Variants in STXBP5L observed in about 807,000 individuals in gnomAD.
The protein encoded by STXBP5L is syntaxin binding protein 5L.
Under a neutral mutation model 144.5 loss-of-function variants are expected in STXBP5L, and 65 were observed. The observed-to-expected ratio is 0.45, with a 90% CI of 0.37 to 0.55. The LOEUF (loss-of-function observed/expected upper bound fraction) is 0.55, where lower values mean the gene tolerates loss of function less well. Among genes scored for constraint, STXBP5L ranks in the 20% least tolerant of loss-of-function variants. STXBP5L has a pLI of 0.00. For synonymous variants in STXBP5L, 505 were observed against 469.6 expected, an observed-to-expected ratio of 1.08 and a Z score of -0.97; for missense variants, 1,298 against 1,405.5, an observed-to-expected ratio of 0.92 and a Z score of 1.22.
At chr3:121,171,776 C>T (rs1248619880) in intron 9 of STXBP5L, among the ~76,000 whole-genome samples, 2 of 152,144 alleles carry the variant, frequency 1.3e-5, no homozygotes, top group Non-Finnish European at 2.9e-5. Flanking sequence ...GCCATACTGC[C>T]CAAAGTAATT....
At chr3:121,272,499 A>G (rs1465831437) in intron 18 of STXBP5L, among the ~76,000 whole-genome samples, 1 of 152,166 alleles carries the variant, frequency 6.6e-6, no homozygotes, top group Non-Finnish European at 1.5e-5. Flanking sequence ...CTTCACTTTC[A>G]GCCTATGTGT....
rs563465036 is a variant in STXBP5L at position 121,022,493 on chromosome 3, A to G, written c.288-19207A>G. Among the ~76,000 whole-genome samples, 4 of 152,300 alleles carry G rather than the reference A, an allele frequency of 2.6e-5. No individual in the cohort carries two copies. In the South Asian group the frequency reaches 8.3e-4, roughly 32 times the overall value. On this transcript the variant is annotated intron_variant, in intron 3 of 26. Transcript: ENST00000471454. ...ATAGACTAATATCCCTGATTAACATAGATGCAAAAATCCTCAACAAAATAC... is the reference window on the plus strand; with the variant it reads ...ATAGACTAATATCCCTGATTAACATGGATGCAAAAATCCTCAACAAAATAC...
intron 7 of STXBP5L, among the ~76,000 whole-genome samples, chr3:121,134,986 C>T (rs1359174388): frequency 6.7e-6 from 1 of 149,418 alleles, no homozygotes; most frequent in African/African-American, 2.5e-5. Flanking sequence ...GCCACACTGT[C>T]TTCCACAATG....
intron 20 of STXBP5L, among the ~76,000 whole-genome samples, chr3:121,340,687 T>C (rs1211450870): frequency 6.6e-6 from 1 of 152,056 alleles, no homozygotes; most frequent in East Asian, 1.9e-4. Context: ...TGCAGAGTAT[T>C]CCATGGTGTA....
At chr3:121,345,801 A>G (rs1476888234) in intron 20 of STXBP5L, among the ~76,000 whole-genome samples, 1 of 152,000 alleles carries the variant, frequency 6.6e-6, no homozygotes, top group African/African-American at 2.4e-5. Flanking sequence ...GCTGCATAGA[A>G]GTCTTCTTTT....
At chr3:121,002,888 T>C (rs1470557069) in intron 3 of STXBP5L, among the ~76,000 whole-genome samples, 4 of 152,200 alleles carry the variant, frequency 2.6e-5, no homozygotes, top group Non-Finnish European at 4.4e-5. Flanking sequence ...CATGAACTCA[T>C]CATTTTTTAT....
chr3:121,308,808 G>T (rs1577417140), intron 19 of STXBP5L, among the ~76,000 whole-genome samples: 2 of 151,964 alleles, frequency 1.3e-5, no homozygotes, highest in African/African-American at 4.8e-5. Context: ...TAATTATAAT[G>T]TTTTATTGGT....
chr3:121,084,013 T>C (rs1162950299), intron 5 of STXBP5L, among the ~76,000 whole-genome samples: 1 of 152,104 alleles, frequency 6.6e-6, no homozygotes, highest in African/African-American at 2.4e-5. Flanking sequence ...TTCTATTTTA[T>C]GTAACTTTTC....
At chr3:120,976,135 G>A (rs1325506275) in intron 3 of STXBP5L, among the ~76,000 whole-genome samples, 9 of 152,120 alleles carry the variant, frequency 5.9e-5, no homozygotes, top group Non-Finnish European at 1.2e-4. Context: ...AGCTCCTCTT[G>A]TACCTCGGGT....
intron 5 of STXBP5L, among the ~76,000 whole-genome samples, chr3:121,082,677 G>A (rs73189315): frequency 0.036 from 5,413 of 152,272 alleles, 147 homozygotes; most frequent in Middle Eastern, 0.082. Flanking sequence ...GACAGTGTGT[G>A]TGTATATATA....
intron 5 of STXBP5L, among the ~76,000 whole-genome samples, chr3:121,051,499 C>T (rs188639550): frequency 3.9e-5 from 6 of 151,966 alleles, no homozygotes; most frequent in African/African-American, 7.3e-5. Context: ...GGGTACGTGA[C>T]GAAAAGAAGA....
chr3:121,399,274 A>T (rs1363772170), intron 22 of STXBP5L, among the ~76,000 whole-genome samples: 2 of 152,132 alleles, frequency 1.3e-5, no homozygotes, highest in Non-Finnish European at 2.9e-5. Context: ...TTGCTTTAAG[A>T]GTACTCGGGT....
At chr3:121,320,178 A>G (rs2043922833) in intron 20 of STXBP5L, among the ~76,000 whole-genome samples, 1 of 152,078 alleles carries the variant, frequency 6.6e-6, no homozygotes, top group African/African-American at 2.4e-5. Flanking sequence ...ATGTGTGTCT[A>G]CTTTCTTTCG....
At chr3:121,000,446 T>C (rs1468199902) in intron 3 of STXBP5L, among the ~76,000 whole-genome samples, 2 of 152,194 alleles carry the variant, frequency 1.3e-5, no homozygotes, top group African/African-American at 4.8e-5. Context: ...TGGTGAGTTT[T>C]TCATGTCTAT....
At chr3:121,236,023 A>G (rs1441996711) in intron 12 of STXBP5L, among the ~76,000 whole-genome samples, 1 of 152,196 alleles carries the variant, frequency 6.6e-6, no homozygotes, top group African/African-American at 2.4e-5. Flanking sequence ...AGCATAGAAT[A>G]ATACTAATTT....
intron 5 of STXBP5L, among the ~76,000 whole-genome samples, chr3:121,102,658 A>G (rs115240186): frequency 0.013 from 1,944 of 152,262 alleles, 21 homozygotes; most frequent in Non-Finnish European, 0.017. Context: ...ATTTATGACT[A>G]GGTCTTCAAA....
At chr3:120,977,163 A>G (rs540850255) in intron 3 of STXBP5L, among the ~76,000 whole-genome samples, 199 of 152,150 alleles carry the variant, frequency 1.3e-3, no homozygotes, top group African/African-American at 4.7e-3. Context: ...TCTCCCATTA[A>G]TATTGTGTGG....
chr3:121,297,618 G>T (rs1408576249), intron 19 of STXBP5L, among the ~76,000 whole-genome samples: 31 of 152,114 alleles, frequency 2.0e-4, no homozygotes. Flanking sequence ...GCTGGGTGTG[G>T]TGGCTCATGC....
chr3:121,055,675 A>AT (rs143740506), intron 5 of STXBP5L, among the ~76,000 whole-genome samples: 14,705 of 145,756 alleles, frequency 0.1, 1,112 homozygotes, highest in Admixed American at 0.21. Context: ...ATACCCAGCT[A>AT]TTTTTTTTTT....
Sources: allele counts gnomAD v4.1 joint callset (sites outside exome capture counted in the v4.1 genomes callset), GRCh38; gene constraint gnomAD v4.1.1; transcripts MANE v1.5; gene names NCBI Gene and HGNC (gene_info 2026-07-23, HGNC 2026-07-21).